Variants in DYNC2I2 observed in about 807,000 individuals in gnomAD.
DYNC2I2 encodes the protein cytoplasmic dynein 2 intermediate chain 2.
In DYNC2I2, 39 loss-of-function variants were observed where a neutral mutation model predicts 52.0. The observed-to-expected ratio is 0.75, with a 90% CI of 0.58 to 0.98. The LOEUF is 0.98. Ranked by LOEUF, DYNC2I2 falls within the 50% of genes least tolerant of loss-of-function variation. DYNC2I2 has a pLI of 0.00. For missense variants in DYNC2I2, 743 were observed against 728.4 expected, an observed-to-expected ratio of 1.02 and a Z score of -0.23; for synonymous variants, 359 against 321.1, an observed-to-expected ratio of 1.12 and a Z score of -1.26.
chr9:128,643,400 G>A (rs1376909391), intron 1 of DYNC2I2, among the ~76,000 whole-genome samples: 5 of 152,004 alleles, frequency 3.3e-5, no homozygotes, highest in Admixed American at 6.6e-5. Flanking sequence ...AGTGGCAGGC[G>A]CCTGTAATCC....
the DYNC2I2 span, among the ~76,000 whole-genome samples, chr9:128,678,380 T>A: frequency 6.7e-6 from 1 of 148,250 alleles, no homozygotes. Context: ...ATTTTTTTTT[T>A]AAAAGAGGCC....
upstream of DYNC2I2, among the ~76,000 whole-genome samples, chr9:128,660,140 G>A (rs578223711): frequency 8.0e-4 from 121 of 151,114 alleles, no homozygotes; most frequent in East Asian, 1.9e-4. Flanking sequence ...ACGGAGTCTC[G>A]CTCTGTCGCC....
chr9:128,673,023 C>CAA, the DYNC2I2 span, among the ~76,000 whole-genome samples: 3 of 149,054 alleles, frequency 2.0e-5, no homozygotes, highest in African/African-American at 7.4e-5. Context: ...GACTCAGTCT[C>CAA]AAAAAAAAAC....
At chr9:128,671,784 T>G in the DYNC2I2 span, among the ~76,000 whole-genome samples, 3 of 151,012 alleles carry the variant, frequency 2.0e-5, 1 homozygote, top group Middle Eastern at 0.01. Context: ...CCCGAGTAGC[T>G]GGGACTACAG....
the DYNC2I2 span, among the ~76,000 whole-genome samples, chr9:128,683,015 G>A: frequency 6.7e-6 from 1 of 149,232 alleles, no homozygotes; most frequent in African/African-American, 2.5e-5. Flanking sequence ...CTTTTTTTGA[G>A]ACAGGGTCCC....
In DYNC2I2 at chr9:128,656,753, A is replaced by G. The variant is rs1295503712; in HGVS notation, c.-27T>C. ...GAGACGGTTCCGCCCTCTCGTGCGG[A>G]CGCACTCAGGCGCGACCTCCGCCCC... On this transcript the variant is annotated 5_prime_UTR_variant, in exon 1 of 9. Coordinates refer to ENST00000372715, the MANE Select transcript of DYNC2I2 (RefSeq NM_052844.4). 4 of 1,341,116 alleles carry G rather than the reference A, an allele frequency of 3.0e-6. No individual in the cohort carries two copies. The highest frequency in any genetic ancestry group is 3.8e-6 in the Non-Finnish European group (4 of 1,045,778). 83.1% of individuals were successfully genotyped at this position (1,341,116 alleles called of 1,614,324 possible).
the DYNC2I2 span, among the ~76,000 whole-genome samples, chr9:128,675,260 C>T: frequency 6.6e-6 from 1 of 152,068 alleles, no homozygotes; most frequent in Non-Finnish European, 1.5e-5. Flanking sequence ...TCATTGCAAC[C>T]TCCGCCTCCT....
the DYNC2I2 span, chr9:128,683,895 C>G: frequency 1.3e-6 from 2 of 1,550,504 alleles, no homozygotes; most frequent in East Asian, 4.9e-5. Flanking sequence ...TCCCTAACAG[C>G]ATGGCCCCTA....
Position 128,656,523 on chromosome 9 carries a change from C to A in DYNC2I2, c.186+18G>T, listed in dbSNP as rs1860827698. The stretch of plus-strand genomic sequence containing the variant: ...GCCTTCCCGCCCGCGTCGCTCCGCG[C>A]GGGGCCCGCGCCCTCACCGTCTCCC... On this transcript the variant is annotated intron_variant, in intron 1 of 8. Transcript: ENST00000372715. 3.9e-6 allele frequency: 5 copies of A among 1,296,072 alleles called. No individual in the cohort carries two copies. The highest frequency in any genetic ancestry group is 3.9e-6 in the Non-Finnish European group (4 of 1,025,788). The allele number at this position is 1,296,072 out of a possible 1,614,324, so 80.3% of individuals were successfully genotyped here.
At chr9:128,662,620 C>T in the DYNC2I2 span, among the ~76,000 whole-genome samples, 1 of 151,978 alleles carries the variant, frequency 6.6e-6, no homozygotes, top group Non-Finnish European at 1.5e-5. Context: ...CACTCTATCC[C>T]CCAGGCTGGA....
the DYNC2I2 span, among the ~76,000 whole-genome samples, chr9:128,679,301 G>C: frequency 1.3e-5 from 2 of 152,018 alleles, no homozygotes; most frequent in Non-Finnish European, 1.5e-5. Context: ...AAATGCATTA[G>C]AAGGAGCCCA....
At chr9:128,657,569 A>C (rs183489508), upstream of DYNC2I2, among the ~76,000 whole-genome samples, 1,087 of 152,252 alleles carry the variant, frequency 7.1e-3, 18 homozygotes, top group African/African-American at 0.025. Flanking sequence ...TTGAGAGGCC[A>C]AGGCAGGAGG....
chr9:128,636,317 G>A lies in DYNC2I2; in HGVS notation c.667C>T (p.Leu223=). The A allele has an allele frequency of 6.3e-7, 1 of 1,591,190 alleles. No individual in the cohort carries two copies. Among genetic ancestry groups the A allele is most frequent in the African/African-American group, 1.3e-5 (1 of 74,656 alleles). ...GAGGGCTGCGTGGGGTGGAAGGCCA[G>A]ACACAGGACAGCGCTGGGGACCTCC... ...VVEVPSAVLC[L]AFHPTQPSHV... is the part of the protein sequence containing the mutation. The change falls in exon 4 of 9, where the codon CTG becomes TTG. Residue 223 remains leucine, a synonymous_variant. Coordinates refer to ENST00000372715, the MANE Select transcript of DYNC2I2 (RefSeq NM_052844.4).
At chr9:128,656,208 C>CA (rs34359001) in intron 1 of DYNC2I2, among the ~76,000 whole-genome samples, 19,652 of 136,218 alleles carry the variant, frequency 0.14, 1,545 homozygotes, top group South Asian at 0.21. Flanking sequence ...AGACCCTGTT[C>CA]AAAAAAAAAA....
the DYNC2I2 span, among the ~76,000 whole-genome samples, chr9:128,674,826 G>A: frequency 2.6e-5 from 4 of 152,084 alleles, no homozygotes; most frequent in South Asian, 2.1e-4. Flanking sequence ...TGATCTGCCC[G>A]TCTCAGCCTC....
chr9:128,635,518 T>C lies in DYNC2I2; in HGVS notation c.813+140A>G, dbSNP rs1589429134. The C allele has an allele frequency of 8.5e-6, 7 of 827,226 alleles. No homozygotes were observed. In the East Asian group the frequency reaches 1.9e-4, roughly 22 times the overall value. 51.2% of individuals were successfully genotyped at this position (827,226 alleles called of 1,614,324 possible). A position where few individuals can be genotyped will look rare whatever the true frequency, so the allele number is the denominator to read the frequency against. On this transcript the variant is annotated intron_variant, in intron 5 of 8. Transcript: ENST00000372715. ...CCCTGGGAGTGGCTCCTGAGGGGGGTGACTCATGCTGCGGGAGCTCCGAGA... is the reference window on the plus strand; with the variant it reads ...CCCTGGGAGTGGCTCCTGAGGGGGGCGACTCATGCTGCGGGAGCTCCGAGA...
chr9:128,638,478 T>C lies in DYNC2I2; in HGVS notation c.436-1451A>G, dbSNP rs894580551. 3.3e-5 allele frequency among the ~76,000 whole-genome samples: 5 copies of C among 151,486 alleles called. 1 individual carries two copies. The Middle Eastern group carries it at 0.01, about 311-fold the overall frequency. On this transcript the variant is annotated intron_variant, in intron 2 of 8. Transcript: ENST00000372715. Reference sequence around the variant, plus strand: ...GTTGCAGTGAGCCCAGATCACGCCATTGCACTCCAGCCTGGCGACAGAGCG... The same window carrying C: ...GTTGCAGTGAGCCCAGATCACGCCACTGCACTCCAGCCTGGCGACAGAGCG...
At chr9:128,637,551 T>C (rs1489144175) in intron 2 of DYNC2I2, among the ~76,000 whole-genome samples, 1 of 152,162 alleles carries the variant, frequency 6.6e-6, no homozygotes, top group Non-Finnish European at 1.5e-5. Context: ...CAAGTGATTC[T>C]CATGCCTCAG....
the DYNC2I2 span, among the ~76,000 whole-genome samples, chr9:128,662,799 G>C: frequency 3.3e-5 from 5 of 152,068 alleles, no homozygotes; most frequent in Admixed American, 1.3e-4. Flanking sequence ...CCTGACCTCG[G>C]GTGATCCACC....
Sources: allele counts gnomAD v4.1 joint callset (sites outside exome capture counted in the v4.1 genomes callset), GRCh38; gene constraint gnomAD v4.1.1; transcripts MANE v1.5; gene names NCBI Gene and HGNC (gene_info 2026-07-23, HGNC 2026-07-21).